The following EPHB1 variants were observed in gnomAD, a reference collection of about 807,000 sequenced individuals.
The protein encoded by EPHB1 is EPH receptor B1.
In EPHB1, 30 loss-of-function variants were observed where a neutral mutation model predicts 94.4. That is an observed-to-expected ratio of 0.32 (90% CI 0.24 to 0.43). EPHB1 has a LOEUF of 0.43. EPHB1 is among the 20% of genes least tolerant of loss of function. The pLI is 1.00. For synonymous variants in EPHB1, 522 were observed against 489.1 expected, an observed-to-expected ratio of 1.07 and a Z score of -0.89; for missense variants, 1,055 against 1,308.3, an observed-to-expected ratio of 0.81 and a Z score of 2.99.
chr3:134,918,928 A>C (rs573115252), intron 1 of EPHB1, among the ~76,000 whole-genome samples: 2 of 152,186 alleles, frequency 1.3e-5, no homozygotes, highest in Non-Finnish European at 2.9e-5. Flanking sequence ...TGGCCATATT[A>C]CTCTTTAAAA....
chr3:135,005,834 A>T (rs1935387247), intron 3 of EPHB1, among the ~76,000 whole-genome samples: 1 of 152,250 alleles, frequency 6.6e-6, no homozygotes, highest in African/African-American at 2.4e-5. Flanking sequence ...CGGTGCACGC[A>T]CCCACTGACC....
intron 5 of EPHB1, among the ~76,000 whole-genome samples, chr3:135,151,068 G>A (rs1448099746): frequency 6.6e-6 from 1 of 152,162 alleles, no homozygotes; most frequent in Non-Finnish European, 1.5e-5. Context: ...CTACTGTGCT[G>A]CTCAGGCCAG....
intron 1 of EPHB1, among the ~76,000 whole-genome samples, chr3:134,915,568 G>C (rs2038548434): frequency 6.6e-6 from 1 of 152,200 alleles, no homozygotes; most frequent in South Asian, 2.1e-4. Flanking sequence ...GGACCCTTGT[G>C]GTGAGTGTTA....
intron 1 of EPHB1, among the ~76,000 whole-genome samples, chr3:134,821,949 C>T (rs1370694706): frequency 6.6e-6 from 1 of 152,098 alleles, no homozygotes; most frequent in Non-Finnish European, 1.5e-5. Context: ...GCAGAGTGGC[C>T]CTTCCTGGAC....
chr3:134,867,732 TC>T (rs1361993158), intron 1 of EPHB1, among the ~76,000 whole-genome samples: 7 of 152,100 alleles, frequency 4.6e-5, no homozygotes, highest in African/African-American at 1.7e-4. Context: ...GGATGGAGGT[TC>T]CCATTCTCCA....
At chr3:134,815,904 G>A (rs1243645579) in intron 1 of EPHB1, among the ~76,000 whole-genome samples, 1 of 152,106 alleles carries the variant, frequency 6.6e-6, no homozygotes, top group Non-Finnish European at 1.5e-5. Flanking sequence ...TTCAACAGTT[G>A]TTGTTATTGT....
intron 5 of EPHB1, among the ~76,000 whole-genome samples, chr3:135,147,137 C>G (rs1263626429): frequency 6.6e-6 from 1 of 152,170 alleles, no homozygotes; most frequent in East Asian, 1.9e-4. Flanking sequence ...GACAACAGCC[C>G]TTCTTTATTT....
At chr3:134,963,726 A>G (rs1176372524) in intron 3 of EPHB1, among the ~76,000 whole-genome samples, 1 of 152,112 alleles carries the variant, frequency 6.6e-6, no homozygotes, top group African/African-American at 2.4e-5. Flanking sequence ...ACTATTCTCT[A>G]TGCCTCCCAA....
chr3:134,888,515 C>A (rs910348273), intron 1 of EPHB1, among the ~76,000 whole-genome samples: 1 of 152,080 alleles, frequency 6.6e-6, no homozygotes, highest in African/African-American at 2.4e-5. Flanking sequence ...CGAGACCATC[C>A]TGGCCAACAT....
intron 2 of EPHB1, among the ~76,000 whole-genome samples, chr3:134,938,345 G>A (rs528375485): frequency 6.6e-6 from 1 of 152,304 alleles, no homozygotes; most frequent in Admixed American, 6.5e-5. Flanking sequence ...TCCCTAACAT[G>A]CTGGTAGAAA....
Position 135,219,164 on chromosome 3 carries a change from G to A in EPHB1, c.2346+17475G>A, listed in dbSNP as rs557845519. Among the ~76,000 whole-genome samples the A allele has an allele frequency of 2.0e-5, 3 of 152,080 alleles. No individual in the cohort carries two copies. The East Asian group carries it at 5.8e-4, about 29-fold the overall frequency. On this transcript the variant is annotated intron_variant, in intron 12 of 15. Transcript: ENST00000398015. Reference sequence around the variant, plus strand: ...AAGTACTTGATGTGCTTACTGGATAGTGAACAGGAGGCCTACTTGGCTAGT... The same window carrying A: ...AAGTACTTGATGTGCTTACTGGATAATGAACAGGAGGCCTACTTGGCTAGT...
chr3:134,819,509 G>A (rs2036339754), intron 1 of EPHB1, among the ~76,000 whole-genome samples: 1 of 152,178 alleles, frequency 6.6e-6, no homozygotes, highest in South Asian at 2.1e-4. Context: ...TAGGGGCTTT[G>A]GAATGAGTAA....
chr3:134,874,812 T>A (rs2108308994), intron 1 of EPHB1, among the ~76,000 whole-genome samples: 2 of 152,338 alleles, frequency 1.3e-5, no homozygotes, highest in Non-Finnish European at 2.9e-5. Flanking sequence ...GTGTGGGCTG[T>A]GTTCATGATT....
intron 12 of EPHB1, among the ~76,000 whole-genome samples, chr3:135,227,585 T>A (rs138110249): frequency 1.6e-4 from 25 of 152,326 alleles, no homozygotes; most frequent in Non-Finnish European, 2.9e-4. Context: ...CAAGCTCTTT[T>A]TAAATGGTCA....
chr3:135,197,063 G>A (rs936865344), intron 11 of EPHB1, among the ~76,000 whole-genome samples: 8 of 149,852 alleles, frequency 5.3e-5, no homozygotes, highest in African/African-American at 2.0e-4. Flanking sequence ...TTTGAGACCT[G>A]CCTGGGCCAT....
chr3:134,983,819 C>T (rs966633672), intron 3 of EPHB1, among the ~76,000 whole-genome samples: 10 of 152,340 alleles, frequency 6.6e-5, no homozygotes, highest in African/African-American at 2.2e-4. Context: ...ACCTCATAGA[C>T]AGGTGGTTGA....
In EPHB1 at chr3:135,166,068, C is replaced by A; in HGVS notation, c.1686C>A (p.Val562=). ...TGTCCTTGGTGGCCATCTCTATCGT[C>A]TGTAGCAGGTAGGTCCTCCACTCTC... The part of the protein sequence containing the change: ...FVVSLVAISI[V]CSRKRAYSKE... Residue 562 remains valine (V), a synonymous_variant, in exon 8 of 16, where the codon GTC becomes GTA. Coordinates refer to ENST00000398015, the MANE Select transcript of EPHB1 (RefSeq NM_004441.5). The A allele has an allele frequency of 6.2e-7, 1 of 1,613,628 alleles. No individual in the cohort carries two copies. The highest frequency in any genetic ancestry group is 8.5e-7 in the Non-Finnish European group (1 of 1,179,594).
rs568456980 is a variant in EPHB1 at position 135,128,539 on chromosome 3, C to T, written c.962-4175C>T. Among the ~76,000 whole-genome samples, 7 of 152,336 alleles carry T rather than the reference C, an allele frequency of 4.6e-5. No homozygotes were observed. In the East Asian group the frequency reaches 1.4e-3, roughly 29 times the overall value. On this transcript the variant is annotated intron_variant, in intron 4 of 15. Coordinates refer to ENST00000398015, the MANE Select transcript of EPHB1 (RefSeq NM_004441.5). ...TAACCACCCAGACATGAGGCCCTGG[C>T]TTGCCAGCCCTGGAGCGGGCCTCAT...
At chr3:134,933,169 C>T (rs1393618427) in intron 2 of EPHB1, among the ~76,000 whole-genome samples, 1 of 152,182 alleles carries the variant, frequency 6.6e-6, no homozygotes, top group Non-Finnish European at 1.5e-5. Context: ...TTCTCTCTGT[C>T]TTCCCATCCT....
Sources: allele counts gnomAD v4.1 joint callset (sites outside exome capture counted in the v4.1 genomes callset), GRCh38; gene constraint gnomAD v4.1.1; transcripts MANE v1.5; gene names NCBI Gene and HGNC (gene_info 2026-07-23, HGNC 2026-07-21).